CSMD3: variants seen among roughly 807,000 people sequenced by gnomAD.
CSMD3 encodes the protein CUB and Sushi multiple domains 3.
Under a neutral mutation model 435.2 loss-of-function variants are expected in CSMD3, and 177 were observed. That is an observed-to-expected ratio of 0.41 (90% CI 0.36 to 0.46). CSMD3 has a LOEUF of 0.46. Among genes scored for constraint, CSMD3 ranks in the 20% least tolerant of loss-of-function variants. CSMD3 has a pLI of 0.34. For synonymous variants in CSMD3, 1,656 were observed against 1,520.5 expected (o/e 1.09, Z -2.07); for missense variants, 4,265 against 4,504.6 (o/e 0.95, Z 1.52).
chr8:112,781,767 A>G (rs1028506804), intron 13 of CSMD3, among the ~76,000 whole-genome samples: 1 of 152,182 alleles, frequency 6.6e-6, no homozygotes, highest in African/African-American at 2.4e-5. Flanking sequence ...GTAAGTGAAG[A>G]GAACAAGTGA....
intron 11 of CSMD3, among the ~76,000 whole-genome samples, chr8:112,836,492 G>A (rs902477268): frequency 2.9e-4 from 44 of 151,764 alleles, no homozygotes; most frequent in African/African-American, 9.7e-4. Context: ...TCGATTACAC[G>A]TATTTGACCT....
At chr8:112,427,138 T>C (rs1303010853) in intron 32 of CSMD3, among the ~76,000 whole-genome samples, 1 of 152,182 alleles carries the variant, frequency 6.6e-6, no homozygotes, top group South Asian at 2.1e-4. Context: ...CTTCCTGTCT[T>C]GAAGGAGGCA....
chr8:113,435,706 T>G (rs1236245391), intron 1 of CSMD3, among the ~76,000 whole-genome samples: 4 of 151,890 alleles, frequency 2.6e-5, no homozygotes, highest in African/African-American at 9.7e-5. Context: ...GCCATGAGTA[T>G]GGAGAGGTGA....
chr8:112,865,658 A>G (rs2129961351), intron 10 of CSMD3, among the ~76,000 whole-genome samples: 1 of 149,548 alleles, frequency 6.7e-6, no homozygotes, highest in East Asian at 2.0e-4. Context: ...TCTAAACTTT[A>G]GTTTCTTAAG....
intron 16 of CSMD3, among the ~76,000 whole-genome samples, chr8:112,673,602 T>G (rs2075706318): frequency 6.6e-6 from 1 of 152,124 alleles, no homozygotes; most frequent in Non-Finnish European, 1.5e-5. Context: ...TTACTCTAAT[T>G]GCTTCCTCAA....
At chr8:113,330,415 G>A (rs142699684) in intron 1 of CSMD3, among the ~76,000 whole-genome samples, 28 of 151,852 alleles carry the variant, frequency 1.8e-4, no homozygotes, top group Non-Finnish European at 4.0e-4. Flanking sequence ...TATATAAGGC[G>A]TACAGCAAAC....
chr8:112,251,635 C>A lies in CSMD3; in HGVS notation c.10110+2618G>T, dbSNP rs1345449309. Among the ~76,000 whole-genome samples the A allele has an allele frequency of 3.3e-5, 5 of 151,682 alleles. No individual in the cohort carries two copies. The East Asian group carries it at 9.6e-4, about 29-fold the overall frequency. Reference sequence around the variant, plus strand: ...TTACAAACTGAAAATCATATATAATCACTATGGTTAGTTTGGTAGGGTTAA... The same window carrying A: ...TTACAAACTGAAAATCATATATAATAACTATGGTTAGTTTGGTAGGGTTAA... On this transcript the variant is annotated intron_variant, in intron 63 of 70. Coordinates refer to ENST00000297405, the MANE Select transcript of CSMD3 (RefSeq NM_198123.2).
At chr8:113,376,607 C>A in intron 1 of CSMD3, 1 of 957,214 alleles carries the variant, frequency 1.0e-6, no homozygotes, top group South Asian at 1.4e-5. Flanking sequence ...TTTTTTTAAT[C>A]CTCATCAAAA....
intron 57 of CSMD3, among the ~76,000 whole-genome samples, chr8:112,288,746 T>G (rs1467008817): frequency 6.6e-6 from 1 of 151,960 alleles, no homozygotes; most frequent in Non-Finnish European, 1.5e-5. Flanking sequence ...TCAGAAAAGA[T>G]TTACCAAATA....
At chr8:112,573,346 G>A (rs979085354) in intron 24 of CSMD3, among the ~76,000 whole-genome samples, 155 bp downstream of exon 24, 6 of 151,968 alleles carry the variant, frequency 3.9e-5, no homozygotes, top group Admixed American at 1.3e-4. Flanking sequence ...GTAACTTACC[G>A]GGCTGTTGTT....
intron 32 of CSMD3, among the ~76,000 whole-genome samples, chr8:112,452,031 G>A (rs1451239926): frequency 6.6e-6 from 1 of 152,102 alleles, no homozygotes; most frequent in Non-Finnish European, 1.5e-5. Context: ...CCCCAGCTGT[G>A]ATTTATGATC....
At chr8:112,491,712 A>G (rs917840287) in intron 31 of CSMD3, among the ~76,000 whole-genome samples, 2 of 152,144 alleles carry the variant, frequency 1.3e-5, no homozygotes, top group Non-Finnish European at 2.9e-5. Flanking sequence ...CTATTATTTT[A>G]TTAACTTTTA....
intron 13 of CSMD3, among the ~76,000 whole-genome samples, chr8:112,743,871 G>T (rs1279360227): frequency 6.6e-6 from 1 of 151,802 alleles, no homozygotes; most frequent in Non-Finnish European, 1.5e-5. Flanking sequence ...CCTCTCACTG[G>T]TGCCAGGATA....
intron 13 of CSMD3, among the ~76,000 whole-genome samples, chr8:112,763,263 A>G (rs1362048931): frequency 6.6e-6 from 1 of 151,628 alleles, no homozygotes; most frequent in African/African-American, 2.4e-5. Context: ...CATGTAACAA[A>G]TTTGACTTGG....
intron 23 of CSMD3, among the ~76,000 whole-genome samples, chr8:112,582,695 C>T (rs1400066443): frequency 1.3e-5 from 2 of 151,982 alleles, no homozygotes; most frequent in East Asian, 1.9e-4. Context: ...GCTATGGTCT[C>T]AATATTTGTG....
chr8:113,036,518 T>G (rs550426779), intron 5 of CSMD3, among the ~76,000 whole-genome samples: 1 of 152,086 alleles, frequency 6.6e-6, no homozygotes, highest in African/African-American at 2.4e-5. Flanking sequence ...CCACATATAA[T>G]TACCTTATTT....
At chr8:113,357,164 T>C (rs1029105962) in intron 1 of CSMD3, among the ~76,000 whole-genome samples, 3 of 152,240 alleles carry the variant, frequency 2.0e-5, no homozygotes, top group Non-Finnish European at 4.4e-5. Context: ...TTAAATAATG[T>C]CACTTCTTTA....
intron 22 of CSMD3, among the ~76,000 whole-genome samples, chr8:112,622,456 T>C (rs956606715): frequency 2.0e-5 from 3 of 152,308 alleles, no homozygotes; most frequent in South Asian, 4.1e-4. Flanking sequence ...GTAATGGATG[T>C]CCATCACTTT....
chr8:112,758,351 C>A (rs201233851), intron 13 of CSMD3, among the ~76,000 whole-genome samples: 18 of 117,624 alleles, frequency 1.5e-4, no homozygotes, highest in African/African-American at 3.0e-4. Context: ...GACTCCATTT[C>A]AAAAAAAAAA....
Sources: gnomAD v4.1 joint callset for allele counts (sites outside exome capture counted in the v4.1 genomes callset) on GRCh38, gnomAD v4.1.1 for gene constraint, MANE v1.5 for transcripts, NCBI Gene and HGNC (gene_info 2026-07-23, HGNC 2026-07-21) for gene names.